Variants in COBL observed in about 807,000 individuals in gnomAD.
The protein encoded by COBL is protein cordon-bleu.
A neutral mutation model predicts 98.8 loss-of-function variants in COBL; 51 were observed. That is an observed-to-expected ratio of 0.52 (90% CI 0.41 to 0.65). The LOEUF is 0.65. Among genes scored for constraint, COBL ranks in the 30% least tolerant of loss-of-function variants. COBL has a pLI of 0.00. For synonymous variants in COBL, 634 were observed against 651.7 expected, an observed-to-expected ratio of 0.97 and a Z score of 0.41; for missense variants, 1,617 against 1,617.5, an observed-to-expected ratio of 1.00 and a Z score of 0.01.
chr7:51,166,614 T>G (rs1787340710), intron 5 of COBL, among the ~76,000 whole-genome samples: 1 of 152,074 alleles, frequency 6.6e-6, no homozygotes, highest in Non-Finnish European at 1.5e-5. Context: ...GAGGCCAGTA[T>G]TACCCTGATA....
intron 11 of COBL, 54 bp from the exon 12 acceptor site, chr7:51,025,426 A>G: frequency 6.3e-7 from 1 of 1,591,860 alleles, no homozygotes; most frequent in Non-Finnish European, 8.6e-7. Context: ...CCCAAAATTC[A>G]GCTGTGAAAT....
chr7:51,037,795 CAT>C (rs1788784737), intron 8 of COBL, among the ~76,000 whole-genome samples: 1 of 152,230 alleles, frequency 6.6e-6, no homozygotes, highest in Non-Finnish European at 1.5e-5. Flanking sequence ...GATACCATCA[CAT>C]GACTGGATGA....
rs1793761490 is a variant in COBL, at chr7:51,082,531, T to C, written c.1096+2635A>G. On this transcript the variant is annotated intron_variant, in intron 7 of 12. Transcript: ENST00000265136. ...CAGGACTTCAATTCTGGCTTATTAGTACACTCAAAGTGAGCTGCTTCCCCT... is the reference window on the plus strand; with the variant it reads ...CAGGACTTCAATTCTGGCTTATTAGCACACTCAAAGTGAGCTGCTTCCCCT... Among the ~76,000 whole-genome samples, 3 of 152,234 alleles carry C rather than the reference T, an allele frequency of 2.0e-5. No homozygotes were observed. In the South Asian group the frequency reaches 6.2e-4, roughly 32 times the overall value.
intron 1 of COBL, among the ~76,000 whole-genome samples, chr7:51,264,585 C>A (rs745381922): frequency 2.7e-5 from 4 of 148,054 alleles, no homozygotes; most frequent in African/African-American, 1.0e-4. Flanking sequence ...GAAGGAGAAT[C>A]GCTTGAACCC....
intron 6 of COBL, among the ~76,000 whole-genome samples, chr7:51,135,714 G>A (rs1799168668): frequency 6.6e-6 from 1 of 152,176 alleles, no homozygotes; most frequent in Admixed American, 6.5e-5. Context: ...CATGACACAT[G>A]CGGCAAGAGT....
rs867915975 is a variant in COBL, at chr7:51,045,208, T to C, written c.1097-1516A>G. On this transcript the variant is annotated intron_variant, in intron 7 of 12. Transcript: ENST00000265136. ...AACCAGCACGTTTTTTCTGTCTATG[T>C]TGTATATAAAAAGTATGACAAGAGT... 7.9e-5 allele frequency among the ~76,000 whole-genome samples: 12 copies of C among 152,208 alleles called. No individual in the cohort carries two copies. In the South Asian group the frequency reaches 1.7e-3, roughly 21 times the overall value.
intron 1 of COBL, among the ~76,000 whole-genome samples, chr7:51,269,037 T>G (rs115915968): frequency 0.01 from 1,517 of 151,140 alleles, 26 homozygotes; most frequent in African/African-American, 0.035. Flanking sequence ...GGAAGCGAGG[T>G]TGATGGAGGG....
intron 7 of COBL, among the ~76,000 whole-genome samples, chr7:51,063,626 C>G (rs1048542756): frequency 2.6e-5 from 4 of 152,226 alleles, no homozygotes; most frequent in Non-Finnish European, 4.4e-5. Context: ...CCCACGAAGA[C>G]CCTGAGGAAA....
At chr7:51,245,564 A>G (rs1796215778) in intron 1 of COBL, among the ~76,000 whole-genome samples, 1 of 152,252 alleles carries the variant, frequency 6.6e-6, no homozygotes, top group Non-Finnish European at 1.5e-5. Context: ...AATTACATCC[A>G]TAGAAGAAAT....
chr7:51,101,254 G>A (rs1275344857), intron 6 of COBL, among the ~76,000 whole-genome samples: 1 of 152,210 alleles, frequency 6.6e-6, no homozygotes, highest in African/African-American at 2.4e-5. Context: ...ATGGGAGTTT[G>A]TGTTAGTTTA....
At chr7:51,026,892 C>T (rs973743965) in intron 10 of COBL, among the ~76,000 whole-genome samples, 2 of 151,948 alleles carry the variant, frequency 1.3e-5, no homozygotes, top group African/African-American at 4.8e-5. Context: ...AGTGAGTCTC[C>T]GTCTCAGGAA....
At chr7:51,198,555 G>A (rs1790807327) in intron 2 of COBL, among the ~76,000 whole-genome samples, 1 of 152,170 alleles carries the variant, frequency 6.6e-6, no homozygotes, top group Non-Finnish European at 1.5e-5. Context: ...TTTCCTAGCA[G>A]AATGTTTCTA....
chr7:51,186,008 A>T (rs1342415178), intron 4 of COBL, among the ~76,000 whole-genome samples: 1 of 152,258 alleles, frequency 6.6e-6, no homozygotes, highest in East Asian at 1.9e-4. Context: ...CACATCGCAC[A>T]GTACCCAAAT....
chr7:51,060,243 T>C (rs1395510804), intron 7 of COBL, among the ~76,000 whole-genome samples: 2 of 152,238 alleles, frequency 1.3e-5, no homozygotes, highest in Non-Finnish European at 2.9e-5. Context: ...AAACTACTTC[T>C]TGGGAAGAAA....
At chr7:51,211,023 C>G (rs1168297613) in intron 2 of COBL, among the ~76,000 whole-genome samples, 33 of 152,188 alleles carry the variant, frequency 2.2e-4, no homozygotes, top group Admixed American at 2.2e-3. Flanking sequence ...CAACCTGCCT[C>G]TCATCTCCTG....
intron 1 of COBL, among the ~76,000 whole-genome samples, chr7:51,223,578 T>C (rs1228700337): frequency 2.6e-5 from 4 of 152,212 alleles, no homozygotes; most frequent in Admixed American, 6.5e-5. Flanking sequence ...CTTCTGGCAA[T>C]TGGCCTACAG....
chr7:51,061,962 C>CAT lies in COBL; in HGVS notation c.1097-18271_1097-18270insAT, dbSNP rs1469974899. Among the ~76,000 whole-genome samples the CAT allele has an allele frequency of 5.7e-3, 850 of 150,220 alleles. 8 individuals carry two copies. The highest frequency in any genetic ancestry group is 0.02 in the African/African-American group (811 of 41,230). ...TCCCCACCATAGATACACACACACACACACACACACACACACACACTCATA... is the reference window on the plus strand; with the variant it reads ...TCCCCACCATAGATACACACACACACATACACACACACACACACACACTCATA... On this transcript the variant is annotated intron_variant, in intron 7 of 12. Coordinates refer to ENST00000265136, the MANE Select transcript of COBL (RefSeq NM_015198.5).
intron 6 of COBL, among the ~76,000 whole-genome samples, chr7:51,124,131 A>C (rs1312115360): frequency 6.6e-6 from 1 of 152,214 alleles, no homozygotes; most frequent in Non-Finnish European, 1.5e-5. Context: ...AAGTCCTAGC[A>C]GAGTGCCTGG....
intron 1 of COBL, among the ~76,000 whole-genome samples, chr7:51,238,046 C>T (rs1200228534): frequency 6.6e-6 from 1 of 152,220 alleles, no homozygotes; most frequent in African/African-American, 2.4e-5. Context: ...GGAAGTTCCA[C>T]CTGAGCCTGA....
Sources: gnomAD v4.1 joint callset for allele counts (sites outside exome capture counted in the v4.1 genomes callset) on GRCh38, gnomAD v4.1.1 for gene constraint, MANE v1.5 for transcripts, NCBI Gene and HGNC (gene_info 2026-07-23, HGNC 2026-07-21) for gene names.